The following IQSEC3 variants were observed in gnomAD, a reference collection of about 807,000 sequenced individuals.
IQSEC3 encodes the protein IQ motif and SEC7 domain-containing protein 3.
A neutral mutation model predicts 105.4 loss-of-function variants in IQSEC3; 50 were observed. That is an observed-to-expected ratio of 0.47 (90% confidence interval 0.38 to 0.60). IQSEC3 has a LOEUF of 0.60. Among genes scored for constraint, IQSEC3 ranks in the 20% least tolerant of loss-of-function variants. IQSEC3 has a pLI of 0.00. For synonymous variants in IQSEC3, 708 were observed against 746.0 expected (o/e 0.95, Z 0.83); for missense variants, 1,415 against 1,630.0 (o/e 0.87, Z 2.27).
intron 12 of IQSEC3, among the ~76,000 whole-genome samples, chr12:170,216 C>G (rs1938908992): frequency 6.6e-6 from 1 of 152,208 alleles, no homozygotes; most frequent in Non-Finnish European, 1.5e-5. Context: ...CTCTTCATTT[C>G]TATAAGGTCA....
chr12:132,100 C>A (rs1392744296), intron 3 of IQSEC3, among the ~76,000 whole-genome samples: 1 of 152,062 alleles, frequency 6.6e-6, no homozygotes. Flanking sequence ...GGCAGGGAGA[C>A]CCCGTCTGTT....
chr12:171,267 A>G, intron 13 of IQSEC3, 106 bp downstream of exon 13: 1 of 1,614,048 alleles, frequency 6.2e-7, no homozygotes. Context: ...ATGCCTCCCC[A>G]GCCCGACTCA....
At chr12:113,022 C>T (rs1864942280) in intron 2 of IQSEC3, among the ~76,000 whole-genome samples, 1 of 152,176 alleles carries the variant, frequency 6.6e-6, no homozygotes, top group South Asian at 2.1e-4. Flanking sequence ...CATTGTCCCT[C>T]TTCTCCATTC....
At chr12:128,844 C>T (rs1410433541) in intron 3 of IQSEC3, among the ~76,000 whole-genome samples, 5 of 152,258 alleles carry the variant, frequency 3.3e-5, no homozygotes, top group African/African-American at 1.2e-4. Context: ...CACCTCTGAC[C>T]GCGCTGATCC....
intron 1 of IQSEC3, among the ~76,000 whole-genome samples, chr12:73,099 A>AAAT (rs1863390407): frequency 9.7e-5 from 14 of 145,038 alleles, no homozygotes; most frequent in African/African-American, 2.8e-4. Flanking sequence ...AATAAATAAA[A>AAAT]AAGGGAATCA....
chr12:125,984 A>AG (rs1448355608), intron 3 of IQSEC3, 72 bp downstream of exon 3: 2 of 1,417,360 alleles, frequency 1.4e-6, no homozygotes, highest in Non-Finnish European at 1.9e-6. Flanking sequence ...CGAGGGTACC[A>AG]GGGATATCCC....
intron 5 of IQSEC3, among the ~76,000 whole-genome samples, chr12:154,621 G>T (rs1254019828): frequency 1.3e-5 from 2 of 152,150 alleles, no homozygotes; most frequent in Admixed American, 1.3e-4. Context: ...GCGCCCCTGG[G>T]CTGAGAGGGT....
chr12:85,503 G>T (rs1863887952), intron 1 of IQSEC3, among the ~76,000 whole-genome samples: 1 of 152,264 alleles, frequency 6.6e-6, no homozygotes, highest in South Asian at 2.1e-4. Context: ...GCCTCAAGCT[G>T]GGCAACTAAA....
At chr12:126,383 G>C (rs1194088225) in intron 3 of IQSEC3, among the ~76,000 whole-genome samples, 3 of 152,208 alleles carry the variant, frequency 2.0e-5, no homozygotes, top group African/African-American at 4.8e-5. Context: ...GTCCAGACTG[G>C]GGGAGTCCAA....
chr12:107,384 C>T (rs1298769669), intron 2 of IQSEC3, among the ~76,000 whole-genome samples: 1 of 151,424 alleles, frequency 6.6e-6, no homozygotes, highest in Non-Finnish European at 1.5e-5. Context: ...AGGAGGTTTC[C>T]CTCCGGTAGT....
intron 8 of IQSEC3, 109 bp downstream of exon 8, chr12:162,174 C>A: frequency 1.6e-6 from 2 of 1,253,630 alleles, no homozygotes; most frequent in Non-Finnish European, 2.2e-6. Context: ...CATATTCATT[C>A]ACATGATAGT....
chr12:96,853 T>C (rs1156487619), intron 1 of IQSEC3, among the ~76,000 whole-genome samples: 3 of 152,206 alleles, frequency 2.0e-5, no homozygotes, highest in Non-Finnish European at 4.4e-5. Flanking sequence ...TTCAGTCAAC[T>C]GGGGGGCTTA....
chr12:140,793 G>A, intron 4 of IQSEC3: 1 of 271,312 alleles, frequency 3.7e-6, no homozygotes, highest in Non-Finnish European at 6.9e-6. Flanking sequence ...TGGGGCGTCT[G>A]CGGTGGGGAC....
At chr12:147,409 C>T (rs1418849560) in intron 5 of IQSEC3, among the ~76,000 whole-genome samples, 2 of 152,212 alleles carry the variant, frequency 1.3e-5, no homozygotes, top group Non-Finnish European at 2.9e-5. Flanking sequence ...CTAATCTGTA[C>T]CCAATGAAGG....
chr12:119,898 A>G lies in IQSEC3; in HGVS notation c.624-5735A>G, dbSNP rs1241726611. Among the ~76,000 whole-genome samples, 4 of 152,338 alleles carry G rather than the reference A, an allele frequency of 2.6e-5. No individual in the cohort carries two copies. In the East Asian group the frequency reaches 7.7e-4, roughly 29 times the overall value. ...TAAAGGCACTCTCCACAGTGCTCCC[A>G]GCAGCTGAGCGAGAAGTCCTCCCTT... On this transcript the variant is annotated intron_variant, in intron 2 of 13. Coordinates refer to ENST00000538872, the MANE Select transcript of IQSEC3 (RefSeq NM_001170738.2).
Position 138,176 on chromosome 12 carries a change from C to G in IQSEC3, c.904-91C>G. 8.2e-7 allele frequency: 1 copy of G among 1,223,844 alleles called. No homozygotes were observed. Among genetic ancestry groups the G allele is most frequent in the Non-Finnish European group, 1.1e-6 (1 of 870,202 alleles). 75.8% of individuals were successfully genotyped at this position (1,223,844 alleles called of 1,614,324 possible). On this transcript the variant is annotated intron_variant, in intron 3 of 13. Coordinates refer to ENST00000538872, the MANE Select transcript of IQSEC3 (RefSeq NM_001170738.2). The surrounding 1 kb of genome is among the most constrained non-coding windows in gnomAD (Gnocchi z 7.1). The stretch of plus-strand genomic sequence containing the variant: ...CCCCCGTCCATTCCTGGGCCCCACC[C>G]GAGTGTGGCCGGGTGACTCCACCAC...
In IQSEC3 at chr12:165,386, C is replaced by T. The variant is rs374814742; in HGVS notation, c.2710-48C>T. 6.0e-5 allele frequency: 86 copies of T among 1,437,620 alleles called. 2 individuals are homozygous for T. The highest frequency in any genetic ancestry group is 5.4e-4 in the South Asian group (47 of 87,420). 89.1% of individuals were successfully genotyped at this position (1,437,620 alleles called of 1,614,324 possible). A position where few individuals can be genotyped will look rare whatever the true frequency, so the allele number is the denominator to read the frequency against. On this transcript the variant is annotated intron_variant, in intron 9 of 13. Transcript: ENST00000538872. The stretch of plus-strand genomic sequence containing the variant: ...CCGGGTGTTTGTGCATCCATGTGTC[C>T]GTGAGTGTCTGTTCATCAGGGCATG...
At chr12:137,648 G>GAAGAA (rs1274595132) in intron 3 of IQSEC3, 3 of 137,360 alleles carry the variant, frequency 2.2e-5, no homozygotes, top group African/African-American at 5.3e-5. Flanking sequence ...AAAAAAAAAA[G>GAAGAA]AAGAAAAGAA....
In IQSEC3 at chr12:168,161, G is replaced by A. The variant is rs146829926; in HGVS notation, c.2972-852G>A. Among the ~76,000 whole-genome samples, 135 of 152,318 alleles carry A rather than the reference G, an allele frequency of 8.9e-4. 3 individuals are homozygous for A. The East Asian group carries it at 0.025, about 28-fold the overall frequency. ...CTCCTGGAAAAGAGAAGCGGGAGGA[G>A]TGATTTAATAATCATGTCAAATCTC... On this transcript the variant is annotated intron_variant, in intron 11 of 13. Coordinates refer to ENST00000538872, the MANE Select transcript of IQSEC3 (RefSeq NM_001170738.2).
Sources: allele counts gnomAD v4.1 joint callset (sites outside exome capture counted in the v4.1 genomes callset), GRCh38; gene constraint gnomAD v4.1.1; non-coding constraint Gnocchi (gnomAD v3.1); transcripts MANE v1.5; gene names NCBI Gene and HGNC (gene_info 2026-07-23, HGNC 2026-07-21).